The following CTNND2 variants were observed in gnomAD, a reference collection of about 807,000 sequenced individuals.
CTNND2 encodes catenin delta-2.
CTNND2 carries 22 observed loss-of-function variants against 144.4 expected under a neutral mutation model. The ratio of observed to expected loss-of-function variants is 0.15; its 90% CI spans 0.11 to 0.22. The LOEUF (loss-of-function observed/expected upper bound fraction) is 0.22, where lower values mean the gene tolerates loss of function less well. Among genes scored for constraint, CTNND2 ranks in the 10% least tolerant of loss-of-function variants. The pLI is 1.00. For synonymous variants in CTNND2, 751 were observed against 695.6 expected, an observed-to-expected ratio of 1.08 and a Z score of -1.25; for missense variants, 1,353 against 1,618.8, an observed-to-expected ratio of 0.84 and a Z score of 2.82.
At chr5:10,977,235 G>A (rs1188418753) in intron 21 of CTNND2, among the ~76,000 whole-genome samples, 2 of 152,162 alleles carry the variant, frequency 1.3e-5, no homozygotes, top group East Asian at 3.8e-4. Context: ...GCCTGCTCAC[G>A]TGACAGTGGA....
chr5:11,660,773 T>C (rs1783159133), intron 2 of CTNND2, among the ~76,000 whole-genome samples: 2 of 152,204 alleles, frequency 1.3e-5, no homozygotes, highest in South Asian at 4.1e-4. Flanking sequence ...TGCAAGCTGA[T>C]ATAATAACCT....
chr5:11,505,245 A>G (rs1211803547), intron 3 of CTNND2, among the ~76,000 whole-genome samples: 1 of 151,950 alleles, frequency 6.6e-6, no homozygotes, highest in Non-Finnish European at 1.5e-5. Flanking sequence ...TTGCTTCACA[A>G]GTTAACTCCA....
chr5:11,363,889 G>A (rs980789130), intron 8 of CTNND2, among the ~76,000 whole-genome samples: 2 of 152,206 alleles, frequency 1.3e-5, no homozygotes, highest in African/African-American at 4.8e-5. Flanking sequence ...AGGAAAGAAG[G>A]AGAGAGCTGT....
rs187824334 is a variant in CTNND2, at chr5:11,441,646, C to T, written c.288-29577G>A. 5.2e-3 allele frequency among the ~76,000 whole-genome samples: 648 copies of T among 124,820 alleles called. 4 individuals carry two copies. Among genetic ancestry groups the T allele is most frequent in the Middle Eastern group, 0.025 (6 of 240 alleles). 81.9% of individuals were successfully genotyped at this position (124,820 alleles called of 152,430 possible). ...ATCCACTCCCCACCCCCCACCCCAC[C>T]CCCTTGGCCTCTCAAAGTGCTGAGA... On this transcript the variant is annotated intron_variant, in intron 3 of 21. Transcript: ENST00000304623.
intron 2 of CTNND2, among the ~76,000 whole-genome samples, chr5:11,594,383 G>T (rs1011703124): frequency 2.0e-5 from 3 of 151,996 alleles, no homozygotes; most frequent in Admixed American, 1.3e-4. Context: ...CTTTTGAAAA[G>T]GTTCTAAATT....
At chr5:11,374,730 G>A (rs1043398394) in intron 7 of CTNND2, among the ~76,000 whole-genome samples, 4 of 146,924 alleles carry the variant, frequency 2.7e-5, no homozygotes, top group African/African-American at 7.5e-5. Flanking sequence ...GGATCACTAC[G>A]AATATTTCCA....
intron 2 of CTNND2, among the ~76,000 whole-genome samples, chr5:11,680,980 G>A (rs1784399653): frequency 1.3e-5 from 2 of 152,154 alleles, no homozygotes. Context: ...TGGGATACAG[G>A]AGGGTGGAGA....
intron 12 of CTNND2, among the ~76,000 whole-genome samples, chr5:11,142,471 G>T (rs1055949758): frequency 6.6e-6 from 1 of 152,092 alleles, no homozygotes; most frequent in Non-Finnish European, 1.5e-5. Context: ...ACAGTGAGAG[G>T]AACACACCAG....
At chr5:11,548,891 A>G (rs931672343) in intron 3 of CTNND2, among the ~76,000 whole-genome samples, 13 of 152,188 alleles carry the variant, frequency 8.5e-5, no homozygotes, top group African/African-American at 2.4e-4. Flanking sequence ...ATAAAACTAA[A>G]TTCTGATTAA....
At chr5:11,578,669 G>A (rs377193948) in intron 2 of CTNND2, among the ~76,000 whole-genome samples, 33 of 146,102 alleles carry the variant, frequency 2.3e-4, no homozygotes, top group African/African-American at 7.1e-4. Context: ...ACAAATACAT[G>A]AATAAATAAA....
chr5:11,644,122 C>A (rs1488255274), intron 2 of CTNND2, among the ~76,000 whole-genome samples: 1 of 151,976 alleles, frequency 6.6e-6, no homozygotes, highest in Non-Finnish European at 1.5e-5. Flanking sequence ...TTTGGCTGTT[C>A]TTCTCCACAG....
chr5:11,536,522 T>C (rs1171949849), intron 3 of CTNND2, among the ~76,000 whole-genome samples: 7 of 152,156 alleles, frequency 4.6e-5, no homozygotes, highest in Non-Finnish European at 1.0e-4. Flanking sequence ...TGGTATATAT[T>C]TACCATGAAA....
intron 7 of CTNND2, among the ~76,000 whole-genome samples, chr5:11,366,480 GA>G (rs1361103120): frequency 6.6e-6 from 1 of 152,084 alleles, no homozygotes; most frequent in Admixed American, 6.6e-5. Flanking sequence ...GCGCTCCGAT[GA>G]ATGACAGATT....
chr5:11,534,314 G>A (rs187511), intron 3 of CTNND2, among the ~76,000 whole-genome samples: 32,343 of 151,996 alleles, frequency 0.21, 3,635 homozygotes, highest in East Asian at 0.36. Flanking sequence ...AAGAGCAGGG[G>A]ACAGAAATCC....
At chr5:11,137,263 A>C (rs1406109797) in intron 12 of CTNND2, among the ~76,000 whole-genome samples, 1 of 152,158 alleles carries the variant, frequency 6.6e-6, no homozygotes, top group African/African-American at 2.4e-5. Context: ...AAGACATCCC[A>C]ATTTTATTGG....
intron 9 of CTNND2, among the ~76,000 whole-genome samples, chr5:11,307,431 G>A (rs1561191431): frequency 1.3e-5 from 2 of 152,130 alleles, no homozygotes; most frequent in African/African-American, 2.4e-5. Flanking sequence ...CTCAGCAGGA[G>A]ACAGCAAGGC....
rs114692065 is a variant in CTNND2 at position 11,082,751 on chromosome 5, C to T, written c.2733G>A (p.Ala911=). Residue 911 remains alanine, a synonymous_variant, in exon 16 of 22, where the codon GCG becomes GCA. Coordinates refer to ENST00000304623, the MANE Select transcript of CTNND2 (RefSeq NM_001332.4). ...CCATGTTCCGCAGCGCAGTGGCCAC[C>T]GCGCACACCACACGGTCATTGTCTA... is the stretch of plus-strand genomic sequence containing the variant. ...LRIDNDRVVC[A]VATALRNMAL... The T allele has an allele frequency of 1.6e-3, 2,624 of 1,614,128 alleles. 22 individuals are homozygous for T. The highest frequency in any genetic ancestry group is 0.014 in the African/African-American group (1,059 of 75,030).
intron 2 of CTNND2, among the ~76,000 whole-genome samples, chr5:11,626,947 T>G (rs1781187297): frequency 6.6e-6 from 1 of 152,176 alleles, no homozygotes; most frequent in Non-Finnish European, 1.5e-5. Flanking sequence ...CTCTCACTCT[T>G]TCTGCTAAAA....
At chr5:11,278,385 ACTGG>A (rs1489198002) in intron 9 of CTNND2, among the ~76,000 whole-genome samples, 2 of 152,208 alleles carry the variant, frequency 1.3e-5, no homozygotes, top group Non-Finnish European at 1.5e-5. Flanking sequence ...TGTGCCAGAC[ACTGG>A]AAAGCATGAA....
Sources: allele counts gnomAD v4.1 joint callset (sites outside exome capture counted in the v4.1 genomes callset), GRCh38; gene constraint gnomAD v4.1.1; transcripts MANE v1.5; gene names NCBI Gene and HGNC (gene_info 2026-07-23, HGNC 2026-07-21).